Variants in BANK1 observed in about 807,000 individuals in gnomAD.
The protein encoded by BANK1 is B cell scaffold protein with ankyrin repeats 1.
Under a neutral mutation model 94.5 loss-of-function variants are expected in BANK1, and 95 were observed. The ratio of observed to expected loss-of-function variants is 1.00; its 90% CI spans 0.85 to 1.19. BANK1 has a LOEUF of 1.19. Among genes scored for constraint, BANK1 ranks in the 50% most tolerant of loss-of-function variants. The probability of loss-of-function intolerance (pLI) is 0.00; values close to 1 mark genes in which losing one functional copy is unlikely to be tolerated. For missense variants in BANK1, 987 were observed against 932.2 expected (o/e 1.06, Z -0.77); for synonymous variants, 334 against 308.4 (o/e 1.08, Z -0.87).
At chr4:102,059,842 T>G (rs1263182809) in intron 11 of BANK1, among the ~76,000 whole-genome samples, 3 of 152,332 alleles carry the variant, frequency 2.0e-5, no homozygotes, top group Non-Finnish European at 4.4e-5. Context: ...AATGTTAACA[T>G]TTATCTAGCT....
At chr4:101,812,313 G>T (rs77241010) in intron 1 of BANK1, among the ~76,000 whole-genome samples, 1 of 151,682 alleles carries the variant, frequency 6.6e-6, no homozygotes, top group Non-Finnish European at 1.5e-5. Context: ...CAATTATAAA[G>T]TACATTAACA....
intron 13 of BANK1, among the ~76,000 whole-genome samples, chr4:102,066,968 G>A (rs1056761566): frequency 2.0e-5 from 3 of 152,194 alleles, no homozygotes; most frequent in East Asian, 3.9e-4. Flanking sequence ...AAATTGTTAC[G>A]TGGTAAAGTT....
intron 1 of BANK1, among the ~76,000 whole-genome samples, chr4:101,829,247 A>C (rs1726509511): frequency 1.3e-5 from 2 of 152,028 alleles, no homozygotes; most frequent in African/African-American, 4.8e-5. Flanking sequence ...TTCTTATTTC[A>C]AGGATTTTAA....
At chr4:101,909,583 C>A (rs998619405) in intron 6 of BANK1, among the ~76,000 whole-genome samples, 1 of 152,172 alleles carries the variant, frequency 6.6e-6, no homozygotes, top group African/African-American at 2.4e-5. Flanking sequence ...GTTTTCTCCC[C>A]TGGGTGGGCC....
intron 15 of BANK1, 49 bp downstream of exon 15, chr4:102,072,449 G>T: frequency 7.2e-7 from 1 of 1,390,112 alleles, no homozygotes; most frequent in Non-Finnish European, 1.0e-6. Context: ...AAATAACTTC[G>T]TTAAAAAAGA....
intron 2 of BANK1, among the ~76,000 whole-genome samples, chr4:101,839,953 T>A (rs1341199292): frequency 0.073 from 2,415 of 33,106 alleles, 219 homozygotes; most frequent in African/African-American, 0.2. Context: ...TTTTTTTTTT[T>A]TTTTTTTTTT....
intron 5 of BANK1, among the ~76,000 whole-genome samples, chr4:101,895,063 G>A (rs1375169095): frequency 2.6e-5 from 4 of 151,468 alleles, no homozygotes; most frequent in Middle Eastern, 3.2e-3. Context: ...CTTATCCAAA[G>A]TTATAGTTTC....
intron 7 of BANK1, among the ~76,000 whole-genome samples, chr4:101,918,519 T>C (rs1722903649): frequency 6.6e-6 from 1 of 151,946 alleles, no homozygotes; most frequent in Non-Finnish European, 1.5e-5. Flanking sequence ...ATGTTAGTTT[T>C]GTAAGAATGT....
intron 7 of BANK1, among the ~76,000 whole-genome samples, chr4:101,952,378 T>C (rs1724193175): frequency 6.6e-6 from 1 of 152,158 alleles, no homozygotes; most frequent in Admixed American, 6.6e-5. Flanking sequence ...TTCTAATTAC[T>C]GTGACTACCT....
At chr4:101,820,891 G>A (rs1726116899) in intron 1 of BANK1, among the ~76,000 whole-genome samples, 1 of 152,074 alleles carries the variant, frequency 6.6e-6, no homozygotes, top group East Asian at 1.9e-4. Flanking sequence ...CTCTTAGGTT[G>A]ATACCATGTC....
At chr4:101,820,890 T>C (rs1301732645) in intron 1 of BANK1, among the ~76,000 whole-genome samples, 2 of 152,182 alleles carry the variant, frequency 1.3e-5, no homozygotes, top group African/African-American at 4.8e-5. Flanking sequence ...GCTCTTAGGT[T>C]GATACCATGT....
Position 101,944,022 on chromosome 4 carries a change from T to TTGTGTG in BANK1, c.1206+25846_1206+25851dup, listed in dbSNP as rs70937503. 2.0e-4 allele frequency among the ~76,000 whole-genome samples: 30 copies of TTGTGTG among 148,238 alleles called. No individual in the cohort carries two copies. In the East Asian group the frequency reaches 4.6e-3, roughly 23 times the overall value. On this transcript the variant is annotated intron_variant, in intron 7 of 16. Coordinates refer to ENST00000322953, the MANE Select transcript of BANK1 (RefSeq NM_017935.5). ...ATAACCAGTAAATGTGTGTGTGTGT[T>TTGTGTG]TGTGTGTGTGTGTGTGTGAGAGAGA...
At position 101,922,009 on chromosome 4, in the gene BANK1, CGTGTGTGTGTGT is replaced by C. The variant is rs68027862; in HGVS notation, c.1206+3856_1206+3867del. Among the ~76,000 whole-genome samples, 338 of 129,448 alleles carry C rather than the reference CGTGTGTGTGTGT, an allele frequency of 2.6e-3. 3 individuals carry two copies. Among genetic ancestry groups the C allele is most frequent in the Admixed American group, 5.3e-3 (69 of 12,904 alleles). The allele number at this position is 129,448 out of a possible 152,430, so 84.9% of individuals were successfully genotyped here. On this transcript the variant is annotated intron_variant, in intron 7 of 16. Coordinates refer to ENST00000322953, the MANE Select transcript of BANK1 (RefSeq NM_017935.5). ...TCTTTGTCCCTGTGGACACTGGGCC[CGTGTGTGTGTGT>C]GTGTGTGTGTGTGTGTGTGTGTGTG...
chr4:101,820,528 A>G (rs1223947969), intron 1 of BANK1, among the ~76,000 whole-genome samples: 1 of 152,194 alleles, frequency 6.6e-6, no homozygotes, highest in East Asian at 1.9e-4. Context: ...TACATAGGTA[A>G]ACTCATGTCA....
At chr4:101,956,557 G>T (rs1304446565) in intron 7 of BANK1, among the ~76,000 whole-genome samples, 3 of 152,042 alleles carry the variant, frequency 2.0e-5, no homozygotes, top group African/African-American at 7.2e-5. Context: ...ACATCACACT[G>T]GTAACAGATC....
chr4:102,029,739 C>A (rs778034530), intron 9 of BANK1, among the ~76,000 whole-genome samples: 2 of 151,850 alleles, frequency 1.3e-5, no homozygotes, highest in African/African-American at 4.8e-5. Flanking sequence ...ATTTAAACTA[C>A]AAAGTGCAGG....
At chr4:102,007,064 A>ATTTATATATATAAATATATTATATATAT (rs1560681817) in intron 7 of BANK1, among the ~76,000 whole-genome samples, 8 of 111,566 alleles carry the variant, frequency 7.2e-5, no homozygotes, top group African/African-American at 2.7e-4. Flanking sequence ...TAAAATATAT[A>ATTTATATATATAAATATATTATATATAT]ATTTTATATA....
intron 7 of BANK1, among the ~76,000 whole-genome samples, chr4:102,007,766 A>T (rs998263847): frequency 1.3e-4 from 20 of 152,154 alleles, no homozygotes; most frequent in Non-Finnish European, 2.2e-4. Flanking sequence ...AGGAATATTC[A>T]GAATCATATT....
At chr4:101,857,727 C>G (rs574945891) in intron 3 of BANK1, among the ~76,000 whole-genome samples, 2 of 152,284 alleles carry the variant, frequency 1.3e-5, no homozygotes, top group South Asian at 2.1e-4. Context: ...TCCCCATGCA[C>G]TAGTGAAGAT....
Sources: allele counts gnomAD v4.1 joint callset (sites outside exome capture counted in the v4.1 genomes callset), GRCh38; gene constraint gnomAD v4.1.1; transcripts MANE v1.5; gene names NCBI Gene and HGNC (gene_info 2026-07-23, HGNC 2026-07-21).